The following GFM1 variants were observed in gnomAD, a reference collection of about 807,000 sequenced individuals.
GFM1 encodes the protein elongation factor G, mitochondrial.
In GFM1, 62 loss-of-function variants were observed where a neutral mutation model predicts 96.2. The ratio of observed to expected loss-of-function variants is 0.64; its 90% CI spans 0.53 to 0.80. The LOEUF (loss-of-function observed/expected upper bound fraction) is 0.80. Ranked by LOEUF, GFM1 falls within the 30% of genes least tolerant of loss-of-function variation. GFM1 has a pLI of 0.00. For synonymous variants in GFM1, 282 were observed against 312.9 expected (o/e 0.90, Z 1.04); for missense variants, 852 against 916.6 (o/e 0.93, Z 0.91).
intron 6 of GFM1, 149 bp downstream of exon 6, chr3:158,652,395 TTGACATGGTATAC>T (rs1722372666): frequency 1.4e-6 from 1 of 702,464 alleles, no homozygotes; most frequent in Admixed American, 2.6e-5. Flanking sequence ...CAAAAAATAC[TTGACATGGTATAC>T]TTTTTTTTAA....
chr3:158,676,632 G>GT lies in GFM1; in HGVS notation c.1602-5357dup, dbSNP rs1251342519. ...CTTTATTGTGTTTCACAGATAGTAT[G>GT]TTTTTTACAAATTGAGGGTTTGTGA... is the stretch of plus-strand genomic sequence containing the variant. On this transcript the variant is annotated intron_variant, in intron 13 of 17. Coordinates refer to ENST00000486715, the MANE Select transcript of GFM1 (RefSeq NM_024996.7). Among the ~76,000 whole-genome samples, 4 of 150,794 alleles carry GT rather than the reference G, an allele frequency of 2.7e-5. No individual in the cohort carries two copies. The East Asian group carries it at 5.8e-4, about 22-fold the overall frequency.
intron 13 of GFM1, among the ~76,000 whole-genome samples, chr3:158,675,680 C>G: frequency 6.6e-6 from 1 of 152,126 alleles, no homozygotes; most frequent in African/African-American, 2.4e-5. Flanking sequence ...GAGTTTTAAT[C>G]TTATAAAATT....
intron 15 of GFM1, chr3:158,685,210 TGAACTA>T (rs1210552966): frequency 6.5e-6 from 1 of 154,706 alleles, no homozygotes; most frequent in African/African-American, 2.4e-5. Context: ...TAAATGCTGA[TGAACTA>T]GAACCTTATG....
At chr3:158,666,033 T>C (rs1723642473) in intron 12 of GFM1, among the ~76,000 whole-genome samples, 1 of 152,192 alleles carries the variant, frequency 6.6e-6, no homozygotes, top group Non-Finnish European at 1.5e-5. Flanking sequence ...GAATATGTAA[T>C]AATATTCAAC....
intron 7 of GFM1, 98 bp from the exon 8 acceptor site, chr3:158,654,449 C>A: frequency 1.3e-6 from 1 of 749,400 alleles, no homozygotes; most frequent in Non-Finnish European, 2.3e-6. Context: ...ATCCCACACA[C>A]GTGCTTTTTC....
intron 16 of GFM1, among the ~76,000 whole-genome samples, chr3:158,690,795 A>C (rs557160232): frequency 1.8e-4 from 28 of 152,316 alleles, no homozygotes; most frequent in African/African-American, 6.5e-4. Flanking sequence ...TAAGGTGTCC[A>C]AAGGAAAGTC....
intron 10 of GFM1, among the ~76,000 whole-genome samples, chr3:158,661,874 GTA>G (rs1358784344): frequency 2.0e-5 from 3 of 151,990 alleles, no homozygotes; most frequent in African/African-American, 7.3e-5. Flanking sequence ...CCTCTAATGT[GTA>G]TATTATTACC....
At chr3:158,679,514 A>G (rs73030836) in intron 13 of GFM1, among the ~76,000 whole-genome samples, 30 of 152,366 alleles carry the variant, frequency 2.0e-4, no homozygotes, top group African/African-American at 7.0e-4. Context: ...TAATAGCAAT[A>G]CAGCATTTCT....
chr3:158,685,371 C>G (rs562095990), intron 15 of GFM1: 1 of 152,346 alleles, frequency 6.6e-6, no homozygotes, highest in South Asian at 2.1e-4. Context: ...TCATCTTTTC[C>G]ATGTCCTTTA....
chr3:158,687,712 C>T (rs573505813), intron 15 of GFM1, among the ~76,000 whole-genome samples: 139 of 152,290 alleles, frequency 9.1e-4, no homozygotes, highest in Non-Finnish European at 1.8e-3. Context: ...TAATGATCCA[C>T]CTGCCTCCGC....
intron 13 of GFM1, among the ~76,000 whole-genome samples, chr3:158,680,664 G>A (rs565830409): frequency 1.3e-5 from 2 of 152,078 alleles, no homozygotes; most frequent in Non-Finnish European, 2.9e-5. Flanking sequence ...TGTCCCTCAG[G>A]TTTCTCATGT....
chr3:158,686,763 G>A (rs934583649), intron 15 of GFM1, among the ~76,000 whole-genome samples: 3 of 106,298 alleles, frequency 2.8e-5, no homozygotes, highest in Non-Finnish European at 5.1e-5. Flanking sequence ...GTCTGACTCT[G>A]TTACCCAGGC....
chr3:158,667,668 C>T (rs558723327), intron 13 of GFM1, among the ~76,000 whole-genome samples: 70 of 152,188 alleles, frequency 4.6e-4, no homozygotes, highest in Admixed American at 2.1e-3. Flanking sequence ...TGTGCCTGTA[C>T]TCCCAGCCAC....
intron 13 of GFM1, among the ~76,000 whole-genome samples, chr3:158,677,116 A>T (rs1369866768): frequency 1.6e-4 from 24 of 152,130 alleles, no homozygotes; most frequent in Admixed American, 1.6e-3. Flanking sequence ...GTGATCTGTG[A>T]TTGGTGATTT....
chr3:158,671,066 A>T lies in GFM1; in HGVS notation c.1601+4680A>T, dbSNP rs373074773. 6 of 1,439,382 alleles carry T rather than the reference A, an allele frequency of 4.2e-6. No individual in the cohort carries two copies. The African/African-American group carries it at 8.9e-5, about 21-fold the overall frequency. 89.2% of individuals were successfully genotyped at this position (1,439,382 alleles called of 1,614,324 possible). A position where few individuals can be genotyped will look rare whatever the true frequency, so the allele number is the denominator to read the frequency against. Reference sequence around the variant, plus strand: ...GGAGACAAGAAAATATTATAACAACATTATACTTGCATTGTTAGAAGTATG... The same window carrying T: ...GGAGACAAGAAAATATTATAACAACTTTATACTTGCATTGTTAGAAGTATG... On this transcript the variant is annotated intron_variant, in intron 13 of 17. Coordinates refer to ENST00000486715, the MANE Select transcript of GFM1 (RefSeq NM_024996.7).
At chr3:158,651,973 G>A in intron 5 of GFM1, 123 bp from the exon 6 acceptor site, 1 of 773,376 alleles carries the variant, frequency 1.3e-6, no homozygotes, top group Non-Finnish European at 2.2e-6. Flanking sequence ...CCATTTGAAT[G>A]CAAATGTATC....
chr3:158,661,588 A>C (rs927054058), intron 10 of GFM1, among the ~76,000 whole-genome samples: 3 of 152,208 alleles, frequency 2.0e-5, no homozygotes, highest in Admixed American at 1.3e-4. Context: ...GAGCATGCAC[A>C]GGTAGCTCCT....
chr3:158,649,460 C>CT (rs1722117555), intron 5 of GFM1: 1 of 267,848 alleles, frequency 3.7e-6, no homozygotes, highest in Non-Finnish European at 7.2e-6. Flanking sequence ...TGTATTGTAT[C>CT]TTTTTGCACT....
intron 13 of GFM1, chr3:158,666,821 T>C: frequency 1.4e-6 from 2 of 1,471,722 alleles, no homozygotes. Flanking sequence ...TATGTTTTGT[T>C]AGAGATAAAA....
Sources: gnomAD v4.1 joint callset for allele counts (sites outside exome capture counted in the v4.1 genomes callset) on GRCh38, gnomAD v4.1.1 for gene constraint, MANE v1.5 for transcripts, NCBI Gene and HGNC (gene_info 2026-07-23, HGNC 2026-07-21) for gene names.